The following RUBCN variants were observed in gnomAD, a reference collection of about 807,000 sequenced individuals.
The protein encoded by RUBCN is run domain Beclin-1-interacting and cysteine-rich domain-containing protein.
RUBCN carries 74 observed loss-of-function variants against 113.2 expected under a neutral mutation model. That is an observed-to-expected ratio of 0.65 (90% CI 0.54 to 0.79). RUBCN has a LOEUF of 0.79. Among genes scored for constraint, RUBCN ranks in the 30% least tolerant of loss-of-function variants. The pLI is 0.00. For synonymous variants in RUBCN, 480 were observed against 490.0 expected (o/e 0.98, Z 0.27); for missense variants, 1,109 against 1,251.7 (o/e 0.89, Z 1.72).
intron 13 of RUBCN, 78 bp from the exon 14 acceptor site, chr3:197,682,693 G>C: frequency 6.3e-7 from 1 of 1,588,430 alleles, no homozygotes; most frequent in Non-Finnish European, 8.6e-7. Context: ...CAGTGAGTCA[G>C]GGATGGGCAG....
chr3:197,669,104 T>C lies in RUBCN; in HGVS notation c.*5914A>G, dbSNP rs888377823. ...GAATAATTTTAGATCCACAGTAAAG[T>C]TGCAAAGATAGTACAAATTCGTCAC... On this transcript the variant is annotated 3_prime_UTR_variant, in exon 20 of 20. Coordinates refer to ENST00000296343, the MANE Select transcript of RUBCN (RefSeq NM_014687.4). Among the ~76,000 whole-genome samples, 6 of 152,200 alleles carry C rather than the reference T, an allele frequency of 3.9e-5. No individual in the cohort carries two copies. Among genetic ancestry groups the C allele is most frequent in the Admixed American group, 6.5e-5 (1 of 15,280 alleles).
intron 4 of RUBCN, among the ~76,000 whole-genome samples, chr3:197,704,070 G>C (rs1724011133): frequency 6.6e-6 from 1 of 152,182 alleles, no homozygotes; most frequent in Admixed American, 6.5e-5. Context: ...GCTGGATTGT[G>C]TCTTACTTGG....
At chr3:197,682,063 C>A (rs1336083365) in intron 14 of RUBCN, among the ~76,000 whole-genome samples, 164 bp from the exon 15 acceptor site, 1 of 152,064 alleles carries the variant, frequency 6.6e-6, no homozygotes, top group Non-Finnish European at 1.5e-5. Flanking sequence ...GGAGAGCTAA[C>A]TCCATATAAG....
intron 1 of RUBCN, among the ~76,000 whole-genome samples, chr3:197,745,409 A>G (rs969670372): frequency 6.6e-6 from 1 of 151,986 alleles, no homozygotes; most frequent in Admixed American, 6.6e-5. Flanking sequence ...TGAGGTCGGG[A>G]GTTCGAGACC....
At chr3:197,700,095 T>C (rs1488232975) in intron 7 of RUBCN, among the ~76,000 whole-genome samples, 1 of 152,156 alleles carries the variant, frequency 6.6e-6, no homozygotes, top group Non-Finnish European at 1.5e-5. Flanking sequence ...TCTGACGGCC[T>C]CTCACCCTGA....
chr3:197,715,825 G>A (rs1257669539), intron 2 of RUBCN, among the ~76,000 whole-genome samples: 1 of 151,896 alleles, frequency 6.6e-6, no homozygotes, highest in East Asian at 1.9e-4. Context: ...CAGATACTTT[G>A]AGGATAAAGT....
chr3:197,736,251 C>T (rs1728106036), intron 1 of RUBCN, among the ~76,000 whole-genome samples: 1 of 152,190 alleles, frequency 6.6e-6, no homozygotes, highest in Admixed American at 6.5e-5. Flanking sequence ...ATCCTCTTCG[C>T]GTTGGCCCCA....
chr3:197,725,266 C>T (rs957881288), intron 1 of RUBCN, among the ~76,000 whole-genome samples: 9 of 151,392 alleles, frequency 5.9e-5, no homozygotes, highest in African/African-American at 1.5e-4. Context: ...ACTGAGGTAG[C>T]GAGAGACTAT....
At chr3:197,688,670 A>T (rs1206733746) in intron 11 of RUBCN, among the ~76,000 whole-genome samples, 1 of 152,214 alleles carries the variant, frequency 6.6e-6, no homozygotes, top group Non-Finnish European at 1.5e-5. Context: ...AGCAACAACA[A>T]AACTCTAAAT....
At position 197,681,873 on chromosome 3, in the gene RUBCN, T is replaced by C. The variant is rs766540151; in HGVS notation, c.2153A>G (p.Asn718Ser). ...GATGCCACATCCTGCACAGCGGTAA[T>C]TCTGCTTGGCCACGGCAATTTTCCT... ...PTRKIAVAKQ[N>S]YRCAGCGIRT... Residue 718 changes from asparagine (N) to serine (S), a missense_variant, in exon 15 of 20, where the codon AAT becomes AGT. Around this residue, in one of 3 missense-constraint regions of RUBCN, gnomAD observed 306 missense variants for 348.9 expected, o/e 0.88. Transcript: ENST00000296343. The surrounding 1 kb of genome is among the most constrained non-coding windows in gnomAD (Gnocchi z 5.5). 5 of 1,613,902 alleles carry C rather than the reference T, an allele frequency of 3.1e-6. No homozygotes were observed. The highest frequency in any genetic ancestry group is 4.2e-6 in the Non-Finnish European group (5 of 1,179,970).
chr3:197,699,086 G>A, intron 7 of RUBCN: 2 of 818,498 alleles, frequency 2.4e-6, no homozygotes, highest in Non-Finnish European at 4.2e-6. Flanking sequence ...ACAAGACCAG[G>A]CTAGCCAGAC....
chr3:197,723,694 A>G (rs1164658159), intron 1 of RUBCN, among the ~76,000 whole-genome samples: 1 of 152,220 alleles, frequency 6.6e-6, no homozygotes, highest in Admixed American at 6.5e-5. Context: ...TATCAATATC[A>G]GAGAGTTGAA....
At chr3:197,702,449 G>A (rs1280143360) in intron 5 of RUBCN, among the ~76,000 whole-genome samples, 3 of 152,174 alleles carry the variant, frequency 2.0e-5, no homozygotes, top group African/African-American at 7.2e-5. Flanking sequence ...AATCACTTGA[G>A]GTCAGGAGAT....
chr3:197,703,355 A>G (rs1723896843), intron 5 of RUBCN, among the ~76,000 whole-genome samples, 193 bp downstream of exon 5: 1 of 128,356 alleles, frequency 7.8e-6, no homozygotes, highest in African/African-American at 2.9e-5. Context: ...CTGAGATTGC[A>G]CCACTGCACT....
chr3:197,738,607 A>G (rs1023389004), upstream of RUBCN, among the ~76,000 whole-genome samples: 3 of 152,258 alleles, frequency 2.0e-5, no homozygotes, highest in East Asian at 1.9e-4. Flanking sequence ...TCTTTTGGAG[A>G]CGCAGTCTTG....
upstream of RUBCN, chr3:197,749,741 T>C: frequency 1.7e-6 from 1 of 600,916 alleles, no homozygotes; most frequent in South Asian, 1.6e-5. Flanking sequence ...GCGGCTGCAA[T>C]GCCTCGTCCG....
intron 11 of RUBCN, among the ~76,000 whole-genome samples, chr3:197,686,568 G>A (rs1721875495): frequency 6.6e-6 from 1 of 152,208 alleles, no homozygotes; most frequent in African/African-American, 2.4e-5. Context: ...GGTTCAAGCA[G>A]ACAACTAAGT....
In RUBCN at chr3:197,700,486, A is replaced by G. The variant is rs1723519774; in HGVS notation, c.1261+127T>C. 3 of 871,292 alleles carry G rather than the reference A, an allele frequency of 3.4e-6. No homozygotes were observed. In the East Asian group the frequency reaches 7.5e-5, roughly 22 times the overall value. 54.0% of individuals were successfully genotyped at this position (871,292 alleles called of 1,614,324 possible). On this transcript the variant is annotated intron_variant, in intron 7 of 19. Coordinates refer to ENST00000296343, the MANE Select transcript of RUBCN (RefSeq NM_014687.4). ...TTCGTTATAAACTTCTTTCATTACA[A>G]AATAAGATGTTGTATCACCAGAAAC...
rs918316723 is a variant in RUBCN, at chr3:197,675,617, G to A, written c.2647-102C>T. ...GGGGAGTGGTCTACAGGGTTCTGCTGCCCACAGGGAGGAGGCCTGGGCTGG... is the reference window on the plus strand; with the variant it reads ...GGGGAGTGGTCTACAGGGTTCTGCTACCCACAGGGAGGAGGCCTGGGCTGG... On this transcript the variant is annotated intron_variant, in intron 18 of 19. Transcript: ENST00000296343. The surrounding 1 kb of genome is among the most constrained non-coding windows in gnomAD (Gnocchi z 4.4). 4 of 889,202 alleles carry A rather than the reference G, an allele frequency of 4.5e-6. No individual in the cohort carries two copies. Among genetic ancestry groups the A allele is most frequent in the Non-Finnish European group, 7.5e-6 (4 of 533,750 alleles). 55.1% of individuals were successfully genotyped at this position (889,202 alleles called of 1,614,324 possible). A position where few individuals can be genotyped will look rare whatever the true frequency, so the allele number is the denominator to read the frequency against.
Sources: allele counts gnomAD v4.1 joint callset (sites outside exome capture counted in the v4.1 genomes callset), GRCh38; gene constraint gnomAD v4.1.1; regional missense constraint gnomAD v4.1.1; non-coding constraint Gnocchi (gnomAD v3.1); transcripts MANE v1.5; gene names NCBI Gene and HGNC (gene_info 2026-07-23, HGNC 2026-07-21).